RYR2: variants seen among roughly 807,000 people sequenced by gnomAD.
RYR2 encodes ryanodine receptor 2.
RYR2 carries 227 observed loss-of-function variants against 601.1 expected under a neutral mutation model. That is an observed-to-expected ratio of 0.38 (90% confidence interval 0.34 to 0.42). The LOEUF is 0.42. Among genes scored for constraint, RYR2 ranks in the 10% least tolerant of loss-of-function variants. The pLI, the probability that RYR2 is intolerant of heterozygous loss-of-function variation, is 1.00. For missense variants in RYR2, 4,646 were observed against 6,156.5 expected, an observed-to-expected ratio of 0.75 and a Z score of 8.21; for synonymous variants, 2,223 against 2,175.1, an observed-to-expected ratio of 1.02 and a Z score of -0.61.
chr1:237,812,702 C>T (rs900101954), intron 100 of RYR2, among the ~76,000 whole-genome samples: 1 of 152,056 alleles, frequency 6.6e-6, no homozygotes, highest in African/African-American at 2.4e-5. Flanking sequence ...AGATGTAATA[C>T]TTACTTACAT....
At chr1:237,727,056 G>T in intron 75 of RYR2, 31 bp from the exon 76 acceptor site, 1 of 1,094,852 alleles carries the variant, frequency 9.1e-7, no homozygotes, top group Non-Finnish European at 1.4e-6. Context: ...AGTTTGGGGT[G>T]TAAATATTTA....
chr1:237,591,014 A>T (rs757916021), intron 31 of RYR2, 22 bp downstream of exon 31: 79 of 1,585,734 alleles, frequency 5.0e-5, no homozygotes, highest in Non-Finnish European at 6.3e-5. Flanking sequence ...ATACGCTGTG[A>T]TTTTAAATTT....
chr1:237,403,670 C>G (rs924261984), intron 10 of RYR2, among the ~76,000 whole-genome samples: 1 of 152,156 alleles, frequency 6.6e-6, no homozygotes, highest in African/African-American at 2.4e-5. Context: ...AACCAGTCCC[C>G]CCTCCTTGGC....
rs1031675419 is a variant in RYR2, at chr1:237,462,505, A to G, written c.1612+5770A>G. On this transcript the variant is annotated intron_variant, in intron 16 of 104. Coordinates refer to ENST00000366574, the MANE Select transcript of RYR2 (RefSeq NM_001035.3). ...CACGATTAATCTGTGGGATGCTTAC[A>G]AGACAGAATGATTTTCTAAAGATGT... Among the ~76,000 whole-genome samples, 7 of 152,322 alleles carry G rather than the reference A, an allele frequency of 4.6e-5. No homozygotes were observed. In the South Asian group the frequency reaches 1.4e-3, roughly 32 times the overall value.
chr1:237,475,568 G>A (rs1661309120), intron 17 of RYR2, among the ~76,000 whole-genome samples: 1 of 152,130 alleles, frequency 6.6e-6, no homozygotes, highest in African/African-American at 2.4e-5. Flanking sequence ...AGTGGAAGTG[G>A]AAGCAAAAAT....
chr1:237,253,494 C>T (rs983428980), intron 1 of RYR2, among the ~76,000 whole-genome samples: 1 of 152,196 alleles, frequency 6.6e-6, no homozygotes, highest in Non-Finnish European at 1.5e-5. Context: ...CAGAGGCTCA[C>T]ATTTGTAAGT....
intron 1 of RYR2, among the ~76,000 whole-genome samples, chr1:237,232,155 T>G (rs1685066737): frequency 6.6e-6 from 1 of 152,170 alleles, no homozygotes; most frequent in African/African-American, 2.4e-5. Flanking sequence ...ATGTCTTTTG[T>G]ATGCTAATGA....
At chr1:237,664,375 A>C (rs1360797354) in intron 56 of RYR2, among the ~76,000 whole-genome samples, 2 of 152,214 alleles carry the variant, frequency 1.3e-5, no homozygotes, top group Non-Finnish European at 2.9e-5. Context: ...AGGAGCTTAC[A>C]TTCTAATGGG....
At chr1:237,515,178 G>A (rs1160291296) in intron 24 of RYR2, among the ~76,000 whole-genome samples, 1 of 152,136 alleles carries the variant, frequency 6.6e-6, no homozygotes, top group East Asian at 1.9e-4. Flanking sequence ...GGCAGATCAT[G>A]CCTGCCAGAT....
At chr1:237,097,155 G>A (rs762600023) in intron 1 of RYR2, among the ~76,000 whole-genome samples, 37 of 152,122 alleles carry the variant, frequency 2.4e-4, no homozygotes, top group Admixed American at 7.2e-4. Flanking sequence ...ATATTCCAAT[G>A]CAGTACAGGA....
chr1:237,411,032 T>C (rs1172585926), intron 10 of RYR2, among the ~76,000 whole-genome samples: 1 of 152,198 alleles, frequency 6.6e-6, no homozygotes, highest in Non-Finnish European at 1.5e-5. Flanking sequence ...GAAGACATTA[T>C]GCTAAGTGAA....
intron 27 of RYR2, among the ~76,000 whole-genome samples, chr1:237,551,509 T>C (rs2805455): frequency 0.9 from 127,605 of 142,198 alleles, 58,102 homozygotes; most frequent in East Asian, 0.97. Context: ...CCAGCCTGGG[T>C]GACAGAGCAA....
chr1:237,208,968 A>ATATATGTG (rs1682189057), intron 1 of RYR2, among the ~76,000 whole-genome samples: 2 of 88,766 alleles, frequency 2.3e-5, no homozygotes, highest in African/African-American at 6.9e-5. Flanking sequence ...ATATATATAT[A>ATATATGTG]TATATATATA....
intron 1 of RYR2, among the ~76,000 whole-genome samples, chr1:237,108,658 G>T (rs1234056975): frequency 6.6e-6 from 1 of 152,168 alleles, no homozygotes; most frequent in Non-Finnish European, 1.5e-5. Context: ...AGTGTGTAGG[G>T]GCGTGGAGGC....
intron 1 of RYR2, among the ~76,000 whole-genome samples, chr1:237,163,064 A>G (rs989419777): frequency 6.6e-6 from 1 of 152,218 alleles, no homozygotes; most frequent in Non-Finnish European, 1.5e-5. Context: ...GAGAGGTTGA[A>G]CAATAGCACA....
At chr1:237,624,656 A>G (rs1435258367) in intron 39 of RYR2, among the ~76,000 whole-genome samples, 1 of 152,198 alleles carries the variant, frequency 6.6e-6, no homozygotes, top group African/African-American at 2.4e-5. Context: ...TTAAGTTGTT[A>G]TGTCAGTAAT....
At chr1:237,515,915 CCCT>C (rs1572682886) in intron 24 of RYR2, among the ~76,000 whole-genome samples, 3 of 106,064 alleles carry the variant, frequency 2.8e-5, no homozygotes, top group South Asian at 3.2e-4. Flanking sequence ...TCCCTCTTCT[CCCT>C]CTCCCTCTTC....
At chr1:237,055,781 G>C in intron 1 of RYR2, among the ~76,000 whole-genome samples, 1 of 152,176 alleles carries the variant, frequency 6.6e-6, no homozygotes, top group East Asian at 1.9e-4. Context: ...GGGAAATAGG[G>C]TCTTTACAGA....
At chr1:237,656,679 G>T (rs1683277499) in intron 53 of RYR2, among the ~76,000 whole-genome samples, 1 of 152,146 alleles carries the variant, frequency 6.6e-6, no homozygotes, top group African/African-American at 2.4e-5. Context: ...GTTTTAGCAA[G>T]GTAGACACTT....
Sources: allele counts gnomAD v4.1 joint callset (sites outside exome capture counted in the v4.1 genomes callset), GRCh38; gene constraint gnomAD v4.1.1; transcripts MANE v1.5; gene names NCBI Gene and HGNC (gene_info 2026-07-23, HGNC 2026-07-21).